ACR: variants seen among roughly 807,000 people sequenced by gnomAD.
ACR encodes the protein acrosin.
ACR carries 17 observed loss-of-function variants against 26.0 expected under a neutral mutation model. The ratio of observed to expected loss-of-function variants is 0.65; its 90% CI spans 0.45 to 0.98. ACR has a LOEUF of 0.98. Ranked by LOEUF, ACR falls within the 50% of genes least tolerant of loss-of-function variation. ACR has a pLI of 0.00. For synonymous variants in ACR, 199 were observed against 207.7 expected, an observed-to-expected ratio of 0.96 and a Z score of 0.36; for missense variants, 435 against 519.3, an observed-to-expected ratio of 0.84 and a Z score of 1.58.
In ACR at chr22:50,739,806, G is replaced by GA. The variant is rs1483772546; in HGVS notation, c.399dup (p.Tyr134IlefsTer9). 1 of 1,608,004 alleles carries GA rather than the reference G, an allele frequency of 6.2e-7. No homozygotes were observed. The highest frequency in any genetic ancestry group is 1.3e-5 in the African/African-American group (1 of 74,696). Reference sequence around the variant, plus strand: ...ATATGTGGAGAAAATCATCATTCATGAAAAATACAACTCTGCGACAGAGGG... The same window carrying GA: ...ATATGTGGAGAAAATCATCATTCATGAAAAAATACAACTCTGCGACAGAGGG... On this transcript the variant is annotated frameshift_variant, in exon 3 of 5. Transcript: ENST00000216139. LOFTEE classifies it high-confidence loss of function. The surrounding 1 kb of genome is among the most constrained non-coding windows in gnomAD (Gnocchi z 5.5).
Position 50,744,221 on chromosome 22 carries a change from G to A in ACR, c.711+15G>A. 6.2e-7 allele frequency: 1 copy of A among 1,607,112 alleles called. No homozygotes were observed. Among genetic ancestry groups the A allele is most frequent in the Non-Finnish European group, 8.5e-7 (1 of 1,174,196 alleles). ...ACACCTGCCAGGTAACCTTCCTTCTGGCTTCTGGGCCCCTGGGTCCCTCCA... is the reference window on the plus strand; with the variant it reads ...ACACCTGCCAGGTAACCTTCCTTCTAGCTTCTGGGCCCCTGGGTCCCTCCA... On this transcript the variant is annotated intron_variant, in intron 4 of 4. Transcript: ENST00000216139.
intron 3 of ACR, among the ~76,000 whole-genome samples, chr22:50,743,162 A>C (rs1167873059): frequency 1.3e-5 from 2 of 150,062 alleles, no homozygotes; most frequent in Non-Finnish European, 3.0e-5. Flanking sequence ...CAGCCTCCCG[A>C]GTAGCTGGGA....
chr22:50,738,731 A>T (rs567496505), intron 1 of ACR, among the ~76,000 whole-genome samples: 1 of 151,516 alleles, frequency 6.6e-6, no homozygotes, highest in East Asian at 2.0e-4. Context: ...CCCAAGCTAT[A>T]TGTGGCCTCC....
At chr22:50,741,620 G>GT (rs919400114) in intron 3 of ACR, among the ~76,000 whole-genome samples, 20 of 151,872 alleles carry the variant, frequency 1.3e-4, no homozygotes, top group African/African-American at 4.1e-4. Flanking sequence ...TCTGTTTGGG[G>GT]TTTTTTTGTT....
chr22:50,738,671 A>G (rs1324697858), intron 1 of ACR, among the ~76,000 whole-genome samples: 1 of 138,990 alleles, frequency 7.2e-6, no homozygotes, highest in Non-Finnish European at 1.5e-5. Flanking sequence ...TTGCACCCCT[A>G]CCCCCCAGTA....
In ACR at chr22:50,744,694, A is replaced by G; in HGVS notation, c.753A>G (p.Glu251=). 1 of 1,613,352 alleles carries G rather than the reference A, an allele frequency of 6.2e-7. No individual in the cohort carries two copies. The highest frequency in any genetic ancestry group is 8.5e-7 in the Non-Finnish European group (1 of 1,179,790). The change falls in exon 5 of 5, where the codon GAA becomes GAG. Residue 251 remains glutamate, a synonymous_variant. Coordinates refer to ENST00000216139, the MANE Select transcript of ACR (RefSeq NM_001097.3). ...CTCTCATGTGCAAAGACAGCAAGGA[A>G]AGCGCCTATGTGGTCGTGGGAATCA... ...GGPLMCKDSK[E]SAYVVVGITS...
At chr22:50,740,513 C>A in intron 3 of ACR, 1 of 683,908 alleles carries the variant, frequency 1.5e-6, no homozygotes, top group Admixed American at 2.0e-5. Flanking sequence ...GTCATAGCAC[C>A]AAATCTACCC....
At chr22:50,742,786 CT>C (rs377387146) in intron 3 of ACR, among the ~76,000 whole-genome samples, 21 of 152,346 alleles carry the variant, frequency 1.4e-4, no homozygotes, top group Middle Eastern at 6.8e-3. Context: ...CGTGTGTCCC[CT>C]GTCTCCCGTC....
At chr22:50,738,864 G>A (rs947871193) in intron 1 of ACR, among the ~76,000 whole-genome samples, 8 of 151,712 alleles carry the variant, frequency 5.3e-5, no homozygotes, top group Admixed American at 1.3e-4. Context: ...CACTGTCAAC[G>A]ACCCCCTTCA....
chr22:50,743,147 T>G (rs1005527134), intron 3 of ACR, among the ~76,000 whole-genome samples: 2 of 150,922 alleles, frequency 1.3e-5, no homozygotes, highest in African/African-American at 4.9e-5. Flanking sequence ...GCCATTCTCC[T>G]GCCTCAGCCT....
intron 3 of ACR, among the ~76,000 whole-genome samples, chr22:50,743,098 C>G (rs1289984321): frequency 2.6e-5 from 4 of 151,242 alleles, no homozygotes; most frequent in Admixed American, 6.6e-5. Context: ...TGCAGTGGCG[C>G]CATCTCGGCT....
rs550472969 is a variant in ACR at position 50,742,943 on chromosome 22, T to A, written c.566-1118T>A. Among the ~76,000 whole-genome samples, 78 of 90,952 alleles carry A rather than the reference T, an allele frequency of 8.6e-4. No individual in the cohort carries two copies. The South Asian group carries it at 0.013, about 15-fold the overall frequency. 59.7% of individuals were successfully genotyped at this position (90,952 alleles called of 152,430 possible). A position where few individuals can be genotyped will look rare whatever the true frequency, so the allele number is the denominator to read the frequency against. On this transcript the variant is annotated intron_variant, in intron 3 of 4. Transcript: ENST00000216139. ...GCTGCTGCTGTTGGGGACCCTTCTG[T>A]CTGTGGGACCCCTTGAAAAGGAGCA...
chr22:50,738,580 GGAGCCC>G (rs1348071230), intron 1 of ACR, among the ~76,000 whole-genome samples: 2 of 151,550 alleles, frequency 1.3e-5, no homozygotes, highest in Non-Finnish European at 1.5e-5. Context: ...CCTGATTTTG[GGAGCCC>G]TTATCCCCCC....
At position 50,742,543 on chromosome 22, in the gene ACR, CAAAAAA is replaced by C. The variant is rs71318831; in HGVS notation, c.566-1503_566-1498del. On this transcript the variant is annotated intron_variant, in intron 3 of 4. Coordinates refer to ENST00000216139, the MANE Select transcript of ACR (RefSeq NM_001097.3). ...TGGGCGACAGAGCAAGACTCCGTCT[CAAAAAA>C]AAAAAAAAAAAAAATCGTCTTAATG... is the stretch of plus-strand genomic sequence containing the variant. Among the ~76,000 whole-genome samples the C allele has an allele frequency of 1.2e-3, 159 of 132,724 alleles. 1 individual carries two copies. The highest frequency in any genetic ancestry group is 1.5e-3 in the Admixed American group (20 of 13,090). 87.1% of individuals were successfully genotyped at this position (132,724 alleles called of 152,430 possible). A position where few individuals can be genotyped will look rare whatever the true frequency, so the allele number is the denominator to read the frequency against.
Position 50,739,542 on chromosome 22 carries a change from G to A in ACR, c.281+68G>A. The stretch of plus-strand genomic sequence containing the variant: ...TTCTCAGAGAGGGGCGTTCCCCGGG[G>A]ATGCTGTGCAGCGTCTCCCTGGGGC... On this transcript the variant is annotated intron_variant, in intron 2 of 4. Transcript: ENST00000216139. The surrounding 1 kb of genome is among the most constrained non-coding windows in gnomAD (Gnocchi z 5.5). 6.3e-7 allele frequency: 1 copy of A among 1,599,288 alleles called. No homozygotes were observed. Among genetic ancestry groups the A allele is most frequent in the Non-Finnish European group, 8.6e-7 (1 of 1,169,022 alleles).
rs1181641366 is a variant in ACR, at chr22:50,739,804, A to G, written c.392A>G (p.His131Arg). Reference sequence around the variant, plus strand: ...AGATATGTGGAGAAAATCATCATTCATGAAAAATACAACTCTGCGACAGAG... The same window carrying G: ...AGATATGTGGAGAAAATCATCATTCGTGAAAAATACAACTCTGCGACAGAG... The part of the protein sequence containing the change: ...QERYVEKIII[H>R]EKYNSATEGN... The change falls in exon 3 of 5, where the codon CAT becomes CGT. Residue 131 changes from histidine to arginine, a missense_variant. By Grantham distance (29) the His-to-Arg change is conservative. Around this residue, in one of 3 missense-constraint regions of ACR, gnomAD observed 314 missense variants for 372.0 expected, o/e 0.84. Transcript: ENST00000216139. The surrounding 1 kb of genome is among the most constrained non-coding windows in gnomAD (Gnocchi z 5.5). 1.2e-6 allele frequency: 2 copies of G among 1,607,838 alleles called. No homozygotes were observed. The highest frequency in any genetic ancestry group is 1.7e-6 in the Non-Finnish European group (2 of 1,177,266).
chr22:50,739,210 G>T lies in ACR; in HGVS notation c.78-61G>T. The stretch of plus-strand genomic sequence containing the variant: ...CATGTCCCTGCCTCCCCTCAGTTGT[G>T]GAGTTACAAGGACAGGCTGTGCTCA... On this transcript the variant is annotated intron_variant, in intron 1 of 4. Coordinates refer to ENST00000216139, the MANE Select transcript of ACR (RefSeq NM_001097.3). The surrounding 1 kb of genome is among the most constrained non-coding windows in gnomAD (Gnocchi z 5.5). The T allele has an allele frequency of 7.0e-7, 1 of 1,438,012 alleles. No individual in the cohort carries two copies. The allele number at this position is 1,438,012 out of a possible 1,614,324, so 89.1% of individuals were successfully genotyped here.
Position 50,744,107 on chromosome 22 carries a change from C to G in ACR, c.612C>G (p.Ile204Met). The change falls in exon 4 of 5, where the codon ATC becomes ATG. Residue 204 changes from isoleucine to methionine, a missense_variant. Physicochemically the swap from Ile to Met is conservative, Grantham distance 10. Around this residue, in one of 3 missense-constraint regions of ACR, gnomAD observed 314 missense variants for 372.0 expected, o/e 0.84. Coordinates refer to ENST00000216139, the MANE Select transcript of ACR (RefSeq NM_001097.3). The part of the protein sequence containing the change: ...SILMEARVDL[I>M]DLDLCNSTQW... ...TGATGGAGGCACGTGTGGATCTCAT[C>G]GACCTGGACTTGTGTAACTCGACCC... The G allele has an allele frequency of 3.1e-6, 5 of 1,609,204 alleles. No homozygotes were observed. Among genetic ancestry groups the G allele is most frequent in the Non-Finnish European group, 3.4e-6 (4 of 1,177,908 alleles).
At chr22:50,740,773 G>A (rs2083421799) in intron 3 of ACR, 16 of 701,350 alleles carry the variant, frequency 2.3e-5, no homozygotes, top group South Asian at 2.2e-4. Flanking sequence ...GACACCAGAT[G>A]AGTTCTAGAA....
Sources: gnomAD v4.1 joint callset for allele counts (sites outside exome capture counted in the v4.1 genomes callset) on GRCh38, gnomAD v4.1.1 for gene constraint, gnomAD v4.1.1 regional missense constraint, Gnocchi (gnomAD v3.1) non-coding constraint, MANE v1.5 for transcripts, NCBI Gene and HGNC (gene_info 2026-07-23, HGNC 2026-07-21) for gene names.